ZNF675: variants seen among roughly 807,000 people sequenced by gnomAD.
The protein encoded by ZNF675 is zinc finger protein 675, also known as TRAF6 inhibitory zinc finger.
Under a neutral mutation model 56.1 loss-of-function variants are expected in ZNF675, and 36 were observed. That is an observed-to-expected ratio of 0.64 (90% confidence interval 0.49 to 0.85). The LOEUF is 0.85. ZNF675 is among the 40% of genes least tolerant of loss of function. The probability of loss-of-function intolerance (pLI) is 0.00; values close to 1 mark genes in which losing one functional copy is unlikely to be tolerated. For missense variants in ZNF675, 663 were observed against 654.2 expected (o/e 1.01, Z -0.15); for synonymous variants, 200 against 218.9 (o/e 0.91, Z 0.76).
intron 1 of ZNF675, among the ~76,000 whole-genome samples, chr19:23,665,343 C>CCAAA (rs1968135632): frequency 6.9e-6 from 1 of 145,728 alleles, no homozygotes; most frequent in African/African-American, 2.5e-5. Context: ...GACCCCACCT[C>CCAAA]AAAAAAAAAA....
At chr19:23,664,980 G>A (rs543346836) in intron 1 of ZNF675, among the ~76,000 whole-genome samples, 6 of 151,578 alleles carry the variant, frequency 4.0e-5, no homozygotes, top group Non-Finnish European at 7.4e-5. Context: ...TGATACCTCC[G>A]CCCAGAAGAA....
Position 23,653,429 on chromosome 19 carries a change from G to T in ZNF675, c.1504C>A (p.His502Asn), listed in dbSNP as rs1456238217. 9.3e-6 allele frequency: 15 copies of T among 1,612,698 alleles called. No homozygotes were observed. Among genetic ancestry groups the T allele is most frequent in the East Asian group, 2.2e-5 (1 of 44,816 alleles). ...SSSLTTHKRI[H>N]TGEKPYKCEE... ...CATTTGTAGGGTTTCTCCCCAGTAT[G>T]AATTCTTTTATGTGTAGTAAGGGAT... The change falls in exon 4 of 4, where the codon CAT becomes AAT. Residue 502 changes from histidine (H) to asparagine (N), a missense_variant. Physicochemically the swap from His to Asn is moderately conservative, Grantham distance 68. This residue lies in a region of ZNF675 where 617 missense variants were observed against 590.5 expected (regional missense o/e 1.04). Coordinates refer to ENST00000359788, the MANE Select transcript of ZNF675 (RefSeq NM_138330.3).
At chr19:23,685,096 C>A (rs1483803596) in intron 1 of ZNF675, among the ~76,000 whole-genome samples, 1 of 152,004 alleles carries the variant, frequency 6.6e-6, no homozygotes, top group East Asian at 1.9e-4. Flanking sequence ...TCCAAAATAG[C>A]TCGGATTACA....
intron 1 of ZNF675, among the ~76,000 whole-genome samples, chr19:23,678,499 C>T (rs901388013): frequency 2.0e-5 from 3 of 148,282 alleles, no homozygotes; most frequent in South Asian, 2.1e-4. Flanking sequence ...GCTCCACCCA[C>T]CTCGGCCTCC....
At position 23,653,658 on chromosome 19, in the gene ZNF675, T is replaced by C. The variant is rs1568286923; in HGVS notation, c.1275A>G (p.Lys425=). ...TAAAAGCTTTGCCACATTCTTCACATTTGTAGGGTTTCTCTCCAGTGTGAA... is the reference window on the plus strand; with the variant it reads ...TAAAAGCTTTGCCACATTCTTCACACTTGTAGGGTTTCTCTCCAGTGTGAA... The part of the protein sequence containing the change: ...KRIHTGEKPY[K]CEECGKAFNR... The change falls in exon 4 of 4, where the codon AAA becomes AAG. Residue 425 remains lysine, a synonymous_variant. Transcript: ENST00000359788. 1 of 1,613,776 alleles carries C rather than the reference T, an allele frequency of 6.2e-7. No homozygotes were observed. The highest frequency in any genetic ancestry group is 8.5e-7 in the Non-Finnish European group (1 of 1,179,952).
chr19:23,663,046 T>C lies in ZNF675; in HGVS notation c.116A>G (p.Asn39Ser), dbSNP rs1435696734. The change falls in exon 2 of 4, where the codon AAC (asparagine) becomes AGC (serine). Residue 39 changes from asparagine (N) to serine (S), a missense_variant. Physicochemically the swap from Asn to Ser is conservative, Grantham distance 46 (BLOSUM62 1). Around this residue, in one of 3 missense-constraint regions of ZNF675, gnomAD observed 13 missense variants for 31.8 expected, o/e 0.41. Coordinates refer to ENST00000359788, the MANE Select transcript of ZNF675 (RefSeq NM_138330.3). ...YKNVILENYR[N>S]LVFLGIAVSK... ...GTTATCCTTACCCAGGAAGACCAGG[T>C]TTCTGTAGTTCTCTAAAATCACATT... 6.3e-7 allele frequency: 1 copy of C among 1,597,774 alleles called. No homozygotes were observed. The highest frequency in any genetic ancestry group is 2.2e-5 in the East Asian group (1 of 44,446).
intron 1 of ZNF675, among the ~76,000 whole-genome samples, chr19:23,682,404 ATTTT>A (rs1180933588): frequency 1.3e-5 from 2 of 151,736 alleles, no homozygotes. Context: ...TGGAATTAAA[ATTTT>A]TTTTACATAA....
chr19:23,663,162 A>C lies in ZNF675; in HGVS notation c.4-4T>G. 1 of 1,603,124 alleles carries C rather than the reference A, an allele frequency of 6.2e-7. No homozygotes were observed. Among genetic ancestry groups the C allele is most frequent in the Non-Finnish European group, 8.5e-7 (1 of 1,175,124 alleles). On this transcript the variant is annotated splice_region_variant and splice_polypyrimidine_tract_variant and intron_variant, in intron 1 of 3. Coordinates refer to ENST00000359788, the MANE Select transcript of ZNF675 (RefSeq NM_138330.3). ...CATCCCTAAATGTCAACAGTCCCTG[A>C]AAAACACATACACACAAACATATTC...
At chr19:23,677,885 C>T (rs1047515559) in intron 1 of ZNF675, among the ~76,000 whole-genome samples, 1 of 151,482 alleles carries the variant, frequency 6.6e-6, no homozygotes, top group African/African-American at 2.4e-5. Context: ...TTTGGGAGGC[C>T]GAGGCGGGTG....
intron 1 of ZNF675, among the ~76,000 whole-genome samples, chr19:23,669,586 A>G (rs768840089): frequency 1.3e-5 from 2 of 152,136 alleles, no homozygotes; most frequent in Non-Finnish European, 2.9e-5. Context: ...AAAAAAGCTC[A>G]TAGTAGTCCG....
rs1968455516 is a variant in ZNF675, at chr19:23,687,170, CG to C, written c.-138del. The stretch of plus-strand genomic sequence containing the variant: ...GCGAGACCTGGAGCTCCGGCTGCAG[CG>C]AGAGACAAAGGCGCCGCCAAATCCC... On this transcript the variant is annotated 5_prime_UTR_variant, in exon 1 of 4. The change abolishes the stop of an existing upstream ORF in the 5' untranslated region. Coordinates refer to ENST00000359788, the MANE Select transcript of ZNF675 (RefSeq NM_138330.3). The C allele has an allele frequency of 9.0e-7, 1 of 1,108,522 alleles. No homozygotes were observed. Among genetic ancestry groups the C allele is most frequent in the African/African-American group, 1.6e-5 (1 of 63,548 alleles). 68.7% of individuals were successfully genotyped at this position (1,108,522 alleles called of 1,614,324 possible).
At chr19:23,670,198 G>C (rs1027528367) in intron 1 of ZNF675, among the ~76,000 whole-genome samples, 1 of 152,088 alleles carries the variant, frequency 6.6e-6, no homozygotes, top group African/African-American at 2.4e-5. Flanking sequence ...TCCACCATTA[G>C]AATCAATTTG....
At chr19:23,665,267 C>A (rs899140396) in intron 1 of ZNF675, among the ~76,000 whole-genome samples, 12 of 150,260 alleles carry the variant, frequency 8.0e-5, no homozygotes, top group African/African-American at 2.9e-4. Flanking sequence ...ATCGCTTAAA[C>A]CCAGGAGGTG....
rs141260048 is a variant in ZNF675, at chr19:23,684,474, G to A, written c.3+2557C>T. Reference sequence around the variant, plus strand: ...AGCCTGGCCAACACGGGAAAACCCCGTTTCTACTAAAAATACAAAATTAGC... The same window carrying A: ...AGCCTGGCCAACACGGGAAAACCCCATTTCTACTAAAAATACAAAATTAGC... On this transcript the variant is annotated intron_variant, in intron 1 of 3. Transcript: ENST00000359788. Among the ~76,000 whole-genome samples, 567 of 151,256 alleles carry A rather than the reference G, an allele frequency of 3.7e-3. 4 individuals are homozygous for A. Among genetic ancestry groups the A allele is most frequent in the African/African-American group, 0.013 (537 of 41,202 alleles).
chr19:23,687,176 A>T lies in ZNF675; in HGVS notation c.-143T>A. ...CCTGGAGCTCCGGCTGCAGCGAGAGACAAAGGCGCCGCCAAATCCCGGAAG... is the reference window on the plus strand; with the variant it reads ...CCTGGAGCTCCGGCTGCAGCGAGAGTCAAAGGCGCCGCCAAATCCCGGAAG... On this transcript the variant is annotated 5_prime_UTR_variant, in exon 1 of 4. An upstream open reading frame in the 5' UTR gains an earlier in-frame stop. Transcript: ENST00000359788. The T allele has an allele frequency of 1.9e-6, 2 of 1,025,902 alleles. No individual in the cohort carries two copies. Among genetic ancestry groups the T allele is most frequent in the Non-Finnish European group, 3.0e-6 (2 of 675,062 alleles). The allele number at this position is 1,025,902 out of a possible 1,614,324, so 63.5% of individuals were successfully genotyped here. A position where few individuals can be genotyped will look rare whatever the true frequency, so the allele number is the denominator to read the frequency against.
chr19:23,653,833 G>A lies in ZNF675; in HGVS notation c.1100C>T (p.Pro367Leu). 6.2e-7 allele frequency: 1 copy of A among 1,613,772 alleles called. No homozygotes were observed. Among genetic ancestry groups the A allele is most frequent in the Non-Finnish European group, 8.5e-7 (1 of 1,179,888 alleles). Residue 367 changes from proline (P) to leucine (L), a missense_variant, in exon 4 of 4, where the codon CCC (proline) becomes CTC (leucine). By Grantham distance (98) the Pro-to-Leu change is moderately conservative (BLOSUM62 -3). This residue lies in a region of ZNF675 where 617 missense variants were observed against 590.5 expected (regional missense o/e 1.04). Transcript: ENST00000359788. Reference sequence around the variant, plus strand: ...TTTGCCGCATTCCTCACATTTGTAGGGTTGCTCTCCAGTATGAATGTTTTT... The same window carrying A: ...TTTGCCGCATTCCTCACATTTGTAGAGTTGCTCTCCAGTATGAATGTTTTT... ...EHKNIHTGEQ[P>L]YKCEECGKAF...
chr19:23,665,211 G>A (rs1057296378), intron 1 of ZNF675, among the ~76,000 whole-genome samples: 4 of 151,650 alleles, frequency 2.6e-5, no homozygotes, highest in Admixed American at 2.6e-4. Context: ...CAGCCGAGGT[G>A]GCACTTGCTT....
At chr19:23,674,454 C>A (rs574090687) in intron 1 of ZNF675, among the ~76,000 whole-genome samples, 1 of 150,924 alleles carries the variant, frequency 6.6e-6, no homozygotes, top group South Asian at 2.1e-4. Context: ...ACCAGCCTGG[C>A]CAACATGGGG....
intron 1 of ZNF675, among the ~76,000 whole-genome samples, chr19:23,684,663 G>T (rs888150883): frequency 6.6e-6 from 1 of 151,840 alleles, no homozygotes; most frequent in Non-Finnish European, 1.5e-5. Context: ...AAGAAAACAG[G>T]TGTGTCTAAT....
Sources: gnomAD v4.1 joint callset for allele counts (sites outside exome capture counted in the v4.1 genomes callset) on GRCh38, gnomAD v4.1.1 for gene constraint, gnomAD v4.1.1 regional missense constraint, MANE v1.5 for transcripts, NCBI Gene and HGNC (gene_info 2026-07-23, HGNC 2026-07-21) for gene names.